The following PCDHGA3 variants were observed in gnomAD, a reference collection of about 807,000 sequenced individuals.
PCDHGA3 encodes the protein protocadherin gamma-A3.
PCDHGA3 carries 40 observed loss-of-function variants against 58.5 expected under a neutral mutation model. The observed-to-expected ratio is 0.68, with a 90% CI of 0.53 to 0.89. The LOEUF (loss-of-function observed/expected upper bound fraction) is 0.89, where lower values mean the gene tolerates loss of function less well. Ranked by LOEUF, PCDHGA3 falls within the 40% of genes least tolerant of loss-of-function variation. The pLI is 0.00. For synonymous variants in PCDHGA3, 530 were observed against 525.7 expected, an observed-to-expected ratio of 1.01 and a Z score of -0.11; for missense variants, 1,223 against 1,195.9, an observed-to-expected ratio of 1.02 and a Z score of -0.33.
intron 1 of PCDHGA3, chr5:141,351,615 C>T (rs1400387546): frequency 1.2e-6 from 2 of 1,614,066 alleles, no homozygotes; most frequent in Non-Finnish European, 1.7e-6. Context: ...CATCAGGCCT[C>T]CTATGTGGTC....
intron 1 of PCDHGA3, chr5:141,393,347 C>A: frequency 6.2e-7 from 1 of 1,613,980 alleles, no homozygotes; most frequent in Non-Finnish European, 8.5e-7. Context: ...ATCACCACTT[C>A]TCCCTGGACG....
intron 1 of PCDHGA3, among the ~76,000 whole-genome samples, chr5:141,369,109 A>G (rs1037761317): frequency 1.3e-5 from 2 of 152,176 alleles, no homozygotes; most frequent in African/African-American, 4.8e-5. Flanking sequence ...TGGAATTAAA[A>G]CTGTAAGACA....
At chr5:141,371,594 C>T (rs1767874002) in intron 1 of PCDHGA3, 1 of 1,613,990 alleles carries the variant, frequency 6.2e-7, no homozygotes, top group Middle Eastern at 1.6e-4. Flanking sequence ...ATACCAAAAA[C>T]ACATACAGGT....
intron 1 of PCDHGA3, among the ~76,000 whole-genome samples, chr5:141,444,152 ATTTTTTTTTTTTTTTTTTTTT>A (rs747671382): frequency 8.9e-5 from 3 of 33,882 alleles, no homozygotes; most frequent in Admixed American, 3.9e-4. Context: ...TGTGTACTGG[ATTTTTTTTTTTTTTTTTTTTT>A]TTTTTTTTTT....
chr5:141,372,088 C>T (rs1768398605), intron 1 of PCDHGA3: 4 of 1,613,762 alleles, frequency 2.5e-6, no homozygotes, highest in Middle Eastern at 1.7e-4. Context: ...GTGCTGTACC[C>T]AGCTCTGGGG....
chr5:141,478,142 G>T (rs774271595), intron 1 of PCDHGA3: 8 of 1,613,988 alleles, frequency 5.0e-6, no homozygotes, highest in Non-Finnish European at 6.8e-6. Flanking sequence ...AGCCCGAGCC[G>T]AGTTCCCCTC....
At chr5:141,381,635 G>A (rs528841837) in intron 1 of PCDHGA3, among the ~76,000 whole-genome samples, 1 of 152,276 alleles carries the variant, frequency 6.6e-6, no homozygotes, top group Non-Finnish European at 1.5e-5. Context: ...GCAGATTTCT[G>A]CCTTCTGTAG....
chr5:141,431,178 TAA>T lies in PCDHGA3; in HGVS notation c.2425-63625_2425-63624del. On this transcript the variant is annotated intron_variant, in intron 1 of 3. Transcript: ENST00000253812. This position sits in a 1 kb window ranked among gnomAD's most constrained non-coding sequence, Gnocchi z 4.8. ...TACTTTCGTGAAAGTGAATTAGAAA[TAA>T]AAATTAGTGAAAATGCAGCCACTGA... is the stretch of plus-strand genomic sequence containing the variant. 1 of 1,614,078 alleles carries T rather than the reference TAA, an allele frequency of 6.2e-7. No homozygotes were observed. Among genetic ancestry groups the T allele is most frequent in the Non-Finnish European group, 8.5e-7 (1 of 1,180,000 alleles).
rs998267605 is a variant in PCDHGA3 at position 141,383,657 on chromosome 5, A to T, written c.2424+37200A>T. The stretch of plus-strand genomic sequence containing the variant: ...CCTCAGTACCAAGTAACTGTCCCCG[A>T]GAATGTGCCAGTGGGTACAAGACTG... On this transcript the variant is annotated intron_variant, in intron 1 of 3. Transcript: ENST00000253812. 6 of 1,614,058 alleles carry T rather than the reference A, an allele frequency of 3.7e-6. No homozygotes were observed. In the East Asian group the frequency reaches 1.3e-4, roughly 36 times the overall value.
At chr5:141,357,145 C>A in intron 1 of PCDHGA3, 1 of 1,613,564 alleles carries the variant, frequency 6.2e-7, no homozygotes, top group Non-Finnish European at 8.5e-7. Flanking sequence ...CGTCCAGGAC[C>A]ATGGCCAGCC....
intron 1 of PCDHGA3, among the ~76,000 whole-genome samples, chr5:141,387,440 A>T (rs2090946110): frequency 6.6e-6 from 1 of 152,240 alleles, no homozygotes; most frequent in East Asian, 1.9e-4. Context: ...TATGTACTTA[A>T]TCTACATGAT....
intron 1 of PCDHGA3, among the ~76,000 whole-genome samples, chr5:141,368,006 C>A (rs975093314): frequency 1.3e-5 from 2 of 152,188 alleles, no homozygotes; most frequent in African/African-American, 2.4e-5. Flanking sequence ...TAATGAAATA[C>A]TGGCCTATGT....
chr5:141,451,955 A>T (rs1004010741), intron 1 of PCDHGA3, among the ~76,000 whole-genome samples: 2 of 152,196 alleles, frequency 1.3e-5, no homozygotes, highest in Admixed American at 1.3e-4. Flanking sequence ...CGAGAAAGTG[A>T]CATACCATCA....
Position 141,491,815 on chromosome 5 carries a change from C to T in PCDHGA3, c.2425-2992C>T. The T allele has an allele frequency of 6.7e-7, 1 of 1,485,264 alleles. No individual in the cohort carries two copies. Among genetic ancestry groups the T allele is most frequent in the African/African-American group, 1.4e-5 (1 of 70,622 alleles). The allele number at this position is 1,485,264 out of a possible 1,614,324, so 92.0% of individuals were successfully genotyped here. ...CCTCTCCGGCCGGCTTGGTCGCTGGCTGCGCTCCACCCGATTCTCGGGATC... is the reference window on the plus strand; with the variant it reads ...CCTCTCCGGCCGGCTTGGTCGCTGGTTGCGCTCCACCCGATTCTCGGGATC... On this transcript the variant is annotated intron_variant, in intron 1 of 3. Coordinates refer to ENST00000253812, the MANE Select transcript of PCDHGA3 (RefSeq NM_018916.4). This position sits in a 1 kb window ranked among gnomAD's most constrained non-coding sequence, Gnocchi z 6.9.
chr5:141,352,928 T>C (rs1362352639), intron 1 of PCDHGA3, among the ~76,000 whole-genome samples: 1 of 152,178 alleles, frequency 6.6e-6, no homozygotes, highest in Non-Finnish European at 1.5e-5. Flanking sequence ...GTGGAGATTG[T>C]AGTGAGCCAA....
At chr5:141,362,197 C>G in intron 1 of PCDHGA3, 1 of 1,614,082 alleles carries the variant, frequency 6.2e-7, no homozygotes, top group Admixed American at 1.7e-5. Context: ...CCAGGCAAAA[C>G]TGCAGTTTTA....
chr5:141,352,097 T>G (rs761063437), intron 1 of PCDHGA3: 2 of 1,605,974 alleles, frequency 1.2e-6, no homozygotes, highest in Admixed American at 1.7e-5. Flanking sequence ...GCCCGGGCTC[T>G]TCAGCCTGGG....
Position 141,346,161 on chromosome 5 carries a change from G to A in PCDHGA3, c.2128G>A (p.Val710Met), listed in dbSNP as rs745349592. ...CTGCGTCTTCCTGGCCTTCGTCATC[G>A]TGCTGCTGGCGCTCAGGCTGCGGCG... ...VSCVFLAFVI[V>M]LLALRLRRWH... is the part of the protein sequence containing the mutation. The change falls in exon 1 of 4, where the codon GTG (valine) becomes ATG (methionine). Residue 710 changes from valine to methionine, a missense_variant. Val to Met is a conservative substitution (Grantham distance 21). This residue lies in a region of PCDHGA3 where 325 missense variants were observed against 327.5 expected (regional missense o/e 0.99). Transcript: ENST00000253812. 1.9e-6 allele frequency: 3 copies of A among 1,614,026 alleles called. No individual in the cohort carries two copies. Among genetic ancestry groups the A allele is most frequent in the East Asian group, 2.2e-5 (1 of 44,860 alleles).
intron 1 of PCDHGA3, among the ~76,000 whole-genome samples, chr5:141,457,517 TTAA>T (rs1261688593): frequency 6.6e-6 from 1 of 152,196 alleles, no homozygotes; most frequent in Non-Finnish European, 1.5e-5. Flanking sequence ...TTAAAAACAA[TTAA>T]TGAGACTAGG....
Sources: allele counts gnomAD v4.1 joint callset (sites outside exome capture counted in the v4.1 genomes callset), GRCh38; gene constraint gnomAD v4.1.1; regional missense constraint gnomAD v4.1.1; non-coding constraint Gnocchi (gnomAD v3.1); transcripts MANE v1.5; gene names NCBI Gene and HGNC (gene_info 2026-07-23, HGNC 2026-07-21).